Variants in NALF1 observed in about 807,000 individuals in gnomAD.
NALF1 encodes family with sequence similarity 155 member A.
NALF1 carries 3 observed loss-of-function variants against 48.4 expected under a neutral mutation model. The ratio of observed to expected loss-of-function variants is 0.06; its 90% CI spans 0.03 to 0.16. NALF1 has a LOEUF of 0.16. Among genes scored for constraint, NALF1 ranks in the 10% least tolerant of loss-of-function variants. The pLI is 1.00. For missense variants in NALF1, 526 were observed against 571.5 expected, an observed-to-expected ratio of 0.92 and a Z score of 0.81; for synonymous variants, 262 against 245.7, an observed-to-expected ratio of 1.07 and a Z score of -0.62.
At chr13:107,547,942 G>A (rs2139125956) in intron 1 of NALF1, among the ~76,000 whole-genome samples, 1 of 152,156 alleles carries the variant, frequency 6.6e-6, no homozygotes, top group East Asian at 1.9e-4. Flanking sequence ...ATAAATAGGA[G>A]ATGGCCCATG....
intron 1 of NALF1, among the ~76,000 whole-genome samples, chr13:107,627,658 A>C (rs1159325897): frequency 1.3e-5 from 2 of 152,110 alleles, no homozygotes; most frequent in Non-Finnish European, 2.9e-5. Flanking sequence ...TGTCACTTAA[A>C]AGGTTACATG....
At position 107,711,419 on chromosome 13, in the gene NALF1, T is replaced by A. The variant is rs185962786; in HGVS notation, c.915+154263A>T. On this transcript the variant is annotated intron_variant, in intron 1 of 2. Transcript: ENST00000375915. Reference sequence around the variant, plus strand: ...GACGCAATCTCAGCTCACAGCAACCTCCACCTCCCAGGTTCAAACAATTCT... The same window carrying A: ...GACGCAATCTCAGCTCACAGCAACCACCACCTCCCAGGTTCAAACAATTCT... Among the ~76,000 whole-genome samples the A allele has an allele frequency of 6.6e-5, 10 of 152,360 alleles. No homozygotes were observed. The East Asian group carries it at 1.9e-3, about 29-fold the overall frequency.
intron 1 of NALF1, among the ~76,000 whole-genome samples, chr13:107,535,153 C>T (rs551261967): frequency 6.6e-6 from 1 of 152,054 alleles, no homozygotes; most frequent in Non-Finnish European, 1.5e-5. Flanking sequence ...TCCTCTTTTC[C>T]TAATTGAATA....
rs1459600704 is a variant in NALF1, at chr13:107,631,208, G to A, written c.915+234474C>T. On this transcript the variant is annotated intron_variant, in intron 1 of 2. Transcript: ENST00000375915. The stretch of plus-strand genomic sequence containing the variant: ...AGAAGAGGTCCCACTTTGTTGCCCA[G>A]ACTTCAAATATTTTTAATGCATAAG... 2.6e-5 allele frequency among the ~76,000 whole-genome samples: 4 copies of A among 152,062 alleles called. No homozygotes were observed. The East Asian group carries it at 5.8e-4, about 22-fold the overall frequency.
In NALF1 at chr13:107,415,076, C is replaced by A. The variant is rs576239010; in HGVS notation, c.916-204321G>T. Among the ~76,000 whole-genome samples, 6 of 152,164 alleles carry A rather than the reference C, an allele frequency of 3.9e-5. No homozygotes were observed. In the South Asian group the frequency reaches 1.2e-3, roughly 32 times the overall value. ...AACATTAAGCAAAATAATAGCCTAG[C>A]AACATTGGCATTGTCAAAATAAACT... On this transcript the variant is annotated intron_variant, in intron 1 of 2. Transcript: ENST00000375915.
At chr13:107,443,519 C>G (rs1226295576) in intron 1 of NALF1, among the ~76,000 whole-genome samples, 3 of 152,098 alleles carry the variant, frequency 2.0e-5, no homozygotes, top group Non-Finnish European at 4.4e-5. Flanking sequence ...GCCCAGCCTA[C>G]AATATATATT....
At chr13:107,544,975 A>G (rs911223504) in intron 1 of NALF1, among the ~76,000 whole-genome samples, 3 of 152,144 alleles carry the variant, frequency 2.0e-5, no homozygotes, top group Admixed American at 6.6e-5. Context: ...ACAGTGACAC[A>G]CTGTGCTGAA....
intron 1 of NALF1, among the ~76,000 whole-genome samples, chr13:107,425,706 C>T (rs1258273555): frequency 6.6e-6 from 1 of 151,858 alleles, no homozygotes; most frequent in Non-Finnish European, 1.5e-5. Flanking sequence ...TATTGAATAC[C>T]TATTTACTAT....
At chr13:107,809,473 T>C (rs1473936825) in intron 1 of NALF1, among the ~76,000 whole-genome samples, 2 of 152,118 alleles carry the variant, frequency 1.3e-5, no homozygotes, top group Non-Finnish European at 2.9e-5. Flanking sequence ...ATATGTACCA[T>C]AATTCAGCAA....
At chr13:107,778,805 C>G (rs912222743) in intron 1 of NALF1, among the ~76,000 whole-genome samples, 3 of 152,114 alleles carry the variant, frequency 2.0e-5, no homozygotes, top group African/African-American at 4.8e-5. Context: ...AGGGCTCCCT[C>G]AATCACCTGT....
chr13:107,613,978 G>A (rs1879308609), intron 1 of NALF1, among the ~76,000 whole-genome samples: 1 of 152,134 alleles, frequency 6.6e-6, no homozygotes, highest in Non-Finnish European at 1.5e-5. Flanking sequence ...CTGTTTTAAA[G>A]ATAAGAAAAT....
intron 1 of NALF1, among the ~76,000 whole-genome samples, chr13:107,507,621 A>AG (rs1875743018): frequency 5.3e-5 from 7 of 132,338 alleles, no homozygotes; most frequent in African/African-American, 1.9e-4. Context: ...AAAAAAAAAA[A>AG]AGGGGCAAAC....
intron 1 of NALF1, among the ~76,000 whole-genome samples, chr13:107,298,182 T>C (rs983099660): frequency 2.0e-5 from 3 of 151,286 alleles, no homozygotes; most frequent in African/African-American, 7.3e-5. Flanking sequence ...ACCCCGTCTC[T>C]AATAAAAAAT....
intron 1 of NALF1, among the ~76,000 whole-genome samples, chr13:107,538,359 C>G (rs1404958071): frequency 6.6e-6 from 1 of 152,088 alleles, no homozygotes; most frequent in Non-Finnish European, 1.5e-5. Context: ...CCCCCCTTAC[C>G]CACAAAGTGT....
At chr13:107,608,971 C>T (rs1254671111) in intron 1 of NALF1, among the ~76,000 whole-genome samples, 6 of 152,154 alleles carry the variant, frequency 3.9e-5, no homozygotes, top group Admixed American at 3.9e-4. Context: ...CAGAGGCCTG[C>T]CTTCAAGGAG....
intron 1 of NALF1, among the ~76,000 whole-genome samples, chr13:107,669,185 T>C (rs954654513): frequency 7.2e-5 from 11 of 152,120 alleles, no homozygotes; most frequent in African/African-American, 2.7e-4. Context: ...AGGAAACTGA[T>C]GTGATTCTAG....
chr13:107,503,780 T>C (rs1194237247), intron 1 of NALF1, among the ~76,000 whole-genome samples: 1 of 150,902 alleles, frequency 6.6e-6, no homozygotes, highest in Non-Finnish European at 1.5e-5. Flanking sequence ...TGTGTGTGTG[T>C]GTGTGTGTAA....
intron 1 of NALF1, among the ~76,000 whole-genome samples, chr13:107,530,898 G>A (rs926529570): frequency 6.6e-6 from 1 of 152,002 alleles, no homozygotes; most frequent in Non-Finnish European, 1.5e-5. Context: ...CCTGAAATGT[G>A]AAAAGAACAC....
At chr13:107,430,700 T>C (rs1388195537) in intron 1 of NALF1, among the ~76,000 whole-genome samples, 2 of 152,196 alleles carry the variant, frequency 1.3e-5, no homozygotes, top group East Asian at 1.9e-4. Context: ...AGTCTATCAT[T>C]GTTGGACATT....
Sources: allele counts gnomAD v4.1 joint callset (sites outside exome capture counted in the v4.1 genomes callset), GRCh38; gene constraint gnomAD v4.1.1; transcripts MANE v1.5; gene names NCBI Gene and HGNC (gene_info 2026-07-23, HGNC 2026-07-21).